The following POLR3B variants were observed in gnomAD, a reference collection of about 807,000 sequenced individuals.
POLR3B encodes the protein RNA polymerase III subunit B.
Under a neutral mutation model 147.4 loss-of-function variants are expected in POLR3B, and 96 were observed. The observed-to-expected ratio is 0.65, with a 90% CI of 0.55 to 0.77. POLR3B has a LOEUF of 0.77. POLR3B is among the 30% of genes least tolerant of loss of function. The probability of loss-of-function intolerance (pLI) is 0.00; values close to 1 mark genes in which losing one functional copy is unlikely to be tolerated. For synonymous variants in POLR3B, 461 were observed against 485.9 expected, an observed-to-expected ratio of 0.95 and a Z score of 0.67; for missense variants, 1,036 against 1,413.5, an observed-to-expected ratio of 0.73 and a Z score of 4.28.
At chr12:106,422,713 G>T (rs1254457298) in intron 12 of POLR3B, among the ~76,000 whole-genome samples, 1 of 152,028 alleles carries the variant, frequency 6.6e-6, no homozygotes, top group Non-Finnish European at 1.5e-5. Flanking sequence ...GGACTCTTTG[G>T]TCTATCCATT....
chr12:106,507,771 C>A (rs1412015374), intron 27 of POLR3B: 1 of 456,048 alleles, frequency 2.2e-6, no homozygotes, highest in Admixed American at 2.3e-5. Context: ...GTTACCACCA[C>A]CACGTGCACA....
chr12:106,496,475 C>T lies in POLR3B; in HGVS notation c.2818-277C>T, dbSNP rs970689178. Reference sequence around the variant, plus strand: ...CTTTCAGTGATTATTTTTAGTGATCCTGGCTCCACCTCTTACCAGCTGTGT... The same window carrying T: ...CTTTCAGTGATTATTTTTAGTGATCTTGGCTCCACCTCTTACCAGCTGTGT... On this transcript the variant is annotated intron_variant, in intron 24 of 27. Transcript: ENST00000228347. 8.4e-6 allele frequency: 5 copies of T among 597,264 alleles called. No individual in the cohort carries two copies. In the Admixed American group the frequency reaches 1.2e-4, roughly 14 times the overall value. The allele number at this position is 597,264 out of a possible 1,614,324, so 37.0% of individuals were successfully genotyped here.
chr12:106,496,532 C>A, intron 24 of POLR3B: 1 of 607,494 alleles, frequency 1.6e-6, no homozygotes, highest in East Asian at 2.8e-5. Context: ...CCTTCCCATA[C>A]TTCAGTTTCT....
chr12:106,377,971 C>T (rs1367962068), intron 7 of POLR3B, among the ~76,000 whole-genome samples: 1 of 152,154 alleles, frequency 6.6e-6, no homozygotes, highest in Non-Finnish European at 1.5e-5. Context: ...GCCTCTAGTC[C>T]TAGCTACTCG....
intron 23 of POLR3B, among the ~76,000 whole-genome samples, chr12:106,470,981 T>G (rs1341012576): frequency 6.6e-6 from 1 of 152,204 alleles, no homozygotes; most frequent in African/African-American, 2.4e-5. Flanking sequence ...GGAGAACCAC[T>G]GCTCTCTTCA....
intron 16 of POLR3B, among the ~76,000 whole-genome samples, chr12:106,435,521 C>G (rs1013678557): frequency 3.3e-5 from 5 of 152,130 alleles, no homozygotes; most frequent in Non-Finnish European, 5.9e-5. Context: ...TCTTTGCAAC[C>G]GAAGAATGGT....
intron 17 of POLR3B, 90 bp from the exon 18 acceptor site, chr12:106,437,591 C>A (rs2037593880): frequency 2.7e-6 from 2 of 743,072 alleles, no homozygotes; most frequent in African/African-American, 3.5e-5. Flanking sequence ...GTGCTTTGGG[C>A]CTAAACGAAA....
At chr12:106,461,157 C>T (rs1193729093) in intron 22 of POLR3B, among the ~76,000 whole-genome samples, 4 of 152,040 alleles carry the variant, frequency 2.6e-5, no homozygotes, top group African/African-American at 7.2e-5. Flanking sequence ...TGCAATAGCA[C>T]GATCTCGGCT....
At position 106,438,501 on chromosome 12, in the gene POLR3B, G is replaced by A. The variant is rs12308628; in HGVS notation, c.1955+722G>A. Among the ~76,000 whole-genome samples, 4 of 143,144 alleles carry A rather than the reference G, an allele frequency of 2.8e-5. No individual in the cohort carries two copies. In the South Asian group the frequency reaches 8.8e-4, roughly 32 times the overall value. 93.9% of individuals were successfully genotyped at this position (143,144 alleles called of 152,430 possible). Reference sequence around the variant, plus strand: ...TATATGTATATAAAACCATATATATGTTTTTTTTTTTTTGAGACAAGGTCT... The same window carrying A: ...TATATGTATATAAAACCATATATATATTTTTTTTTTTTTGAGACAAGGTCT... On this transcript the variant is annotated intron_variant, in intron 18 of 27. Transcript: ENST00000228347.
At chr12:106,406,163 C>G (rs2037148513) in intron 11 of POLR3B, among the ~76,000 whole-genome samples, 187 bp downstream of exon 11, 1 of 152,164 alleles carries the variant, frequency 6.6e-6, no homozygotes, top group Admixed American at 6.5e-5. Context: ...AGAATGTTAG[C>G]TGTATCGCCA....
chr12:106,363,846 T>TA (rs1252894703), intron 1 of POLR3B, 24 bp from the exon 2 acceptor site: 1 of 1,590,862 alleles, frequency 6.3e-7, no homozygotes, highest in East Asian at 2.2e-5. Context: ...AGAGTTCTGA[T>TA]ATTCTTCTTG....
chr12:106,506,199 GA>G (rs896038792), intron 27 of POLR3B, among the ~76,000 whole-genome samples: 1 of 151,548 alleles, frequency 6.6e-6, no homozygotes, highest in African/African-American at 2.4e-5. Flanking sequence ...CAACCAAAAA[GA>G]AAAAAAAGAA....
intron 6 of POLR3B, among the ~76,000 whole-genome samples, chr12:106,374,365 A>G (rs1041240162): frequency 6.6e-6 from 1 of 151,928 alleles, no homozygotes; most frequent in African/African-American, 2.4e-5. Flanking sequence ...CTATAAGTGC[A>G]CCACCACACC....
At chr12:106,386,030 C>T (rs1309004483) in intron 9 of POLR3B, among the ~76,000 whole-genome samples, 1 of 152,078 alleles carries the variant, frequency 6.6e-6, no homozygotes, top group Non-Finnish European at 1.5e-5. Flanking sequence ...GTTTTATGTA[C>T]ATACTGATGA....
intron 10 of POLR3B, among the ~76,000 whole-genome samples, chr12:106,393,632 A>G (rs1326153157): frequency 6.6e-6 from 1 of 151,424 alleles, no homozygotes; most frequent in East Asian, 1.9e-4. Flanking sequence ...CTGAATTCCC[A>G]GTGCTGCTTT....
At chr12:106,446,836 A>G (rs2037732075) in intron 19 of POLR3B, among the ~76,000 whole-genome samples, 1 of 152,248 alleles carries the variant, frequency 6.6e-6, no homozygotes, top group South Asian at 2.1e-4. Context: ...GAGTTGGCAT[A>G]TAATGCAGCA....
chr12:106,497,991 T>G (rs2038522635), intron 25 of POLR3B, among the ~76,000 whole-genome samples: 1 of 152,226 alleles, frequency 6.6e-6, no homozygotes, highest in South Asian at 2.1e-4. Context: ...TTTACTGTTC[T>G]ATTTCCAGGG....
intron 2 of POLR3B, among the ~76,000 whole-genome samples, chr12:106,366,100 C>A (rs1180869757): frequency 1.3e-5 from 2 of 152,120 alleles, no homozygotes; most frequent in Admixed American, 6.5e-5. Context: ...TTCAGAAATA[C>A]ACTCTATGAA....
At chr12:106,449,692 G>A (rs2037772593) in intron 19 of POLR3B, among the ~76,000 whole-genome samples, 1 of 152,162 alleles carries the variant, frequency 6.6e-6, no homozygotes, top group African/African-American at 2.4e-5. Context: ...TTCACACTGA[G>A]TAGGCTGAGG....
Sources: gnomAD v4.1 joint callset for allele counts (sites outside exome capture counted in the v4.1 genomes callset) on GRCh38, gnomAD v4.1.1 for gene constraint, MANE v1.5 for transcripts, NCBI Gene and HGNC (gene_info 2026-07-23, HGNC 2026-07-21) for gene names.